The following PPP6R3 variants were observed in gnomAD, a reference collection of about 807,000 sequenced individuals.
The protein encoded by PPP6R3 is protein phosphatase 6 regulatory subunit 3.
A neutral mutation model predicts 110.7 loss-of-function variants in PPP6R3; 38 were observed. The observed-to-expected ratio is 0.34, with a 90% CI of 0.26 to 0.45. The LOEUF is 0.45. Among genes scored for constraint, PPP6R3 ranks in the 20% least tolerant of loss-of-function variants. The pLI is 1.00. For synonymous variants in PPP6R3, 369 were observed against 373.5 expected (o/e 0.99, Z 0.14); for missense variants, 870 against 1,062.4 (o/e 0.82, Z 2.52).
At chr11:68,605,613 C>G (rs562448010) in intron 22 of PPP6R3, among the ~76,000 whole-genome samples, 2 of 151,878 alleles carry the variant, frequency 1.3e-5, no homozygotes, top group Non-Finnish European at 2.9e-5. Context: ...AAAGCCAAAC[C>G]ATAAAGGAAA....
chr11:68,588,149 G>T (rs1425870109), intron 16 of PPP6R3, 125 bp downstream of exon 16: 14 of 831,012 alleles, frequency 1.7e-5, no homozygotes, highest in Non-Finnish European at 2.8e-5. Flanking sequence ...CTCTTTCCAC[G>T]GTGTTCCTCT....
intron 7 of PPP6R3, among the ~76,000 whole-genome samples, chr11:68,555,216 A>G (rs2099394744): frequency 6.6e-6 from 1 of 152,184 alleles, no homozygotes; most frequent in African/African-American, 2.4e-5. Flanking sequence ...TACCTGTCCC[A>G]TTTTAGTAAT....
intron 7 of PPP6R3, among the ~76,000 whole-genome samples, chr11:68,556,611 A>G (rs1395664061): frequency 6.6e-6 from 1 of 151,892 alleles, no homozygotes; most frequent in African/African-American, 2.4e-5. Context: ...GGATGGCTTC[A>G]TGCAGGAAAC....
intron 14 of PPP6R3, among the ~76,000 whole-genome samples, chr11:68,581,634 T>C (rs2099554974): frequency 6.6e-6 from 1 of 152,236 alleles, no homozygotes; most frequent in South Asian, 2.1e-4. Context: ...CTCTTTAACA[T>C]AGTCCTGTGA....
At chr11:68,489,560 G>A (rs2098970716) in intron 1 of PPP6R3, among the ~76,000 whole-genome samples, 1 of 151,854 alleles carries the variant, frequency 6.6e-6, no homozygotes, top group Admixed American at 6.6e-5. Context: ...GTTTGTGTGT[G>A]TGTGTGTGTG....
At chr11:68,573,114 T>TTTTATTTATATATATA (rs1397314086) in intron 12 of PPP6R3, among the ~76,000 whole-genome samples, 1 of 61,798 alleles carries the variant, frequency 1.6e-5, no homozygotes, top group East Asian at 8.8e-4. Flanking sequence ...TTTACTTATT[T>TTTTATTTATATATATA]TATATATATA....
intron 6 of PPP6R3, 43 bp downstream of exon 6, chr11:68,551,229 A>G: frequency 6.8e-7 from 1 of 1,470,130 alleles, no homozygotes; most frequent in South Asian, 1.2e-5. Flanking sequence ...AGAAAAAAAA[A>G]ACAAAAAACT....
At chr11:68,543,514 T>C (rs1230975943) in intron 3 of PPP6R3, among the ~76,000 whole-genome samples, 1 of 152,218 alleles carries the variant, frequency 6.6e-6, no homozygotes, top group African/African-American at 2.4e-5. Flanking sequence ...GCCGTGGCTT[T>C]CTGGTTCGTC....
rs1565935391 is a variant in PPP6R3, at chr11:68,573,146, ATATATATAAT to A, written c.1344-961_1344-952del. Among the ~76,000 whole-genome samples, 44 of 83,672 alleles carry A rather than the reference ATATATATAAT, an allele frequency of 5.3e-4. 2 individuals carry two copies. The highest frequency in any genetic ancestry group is 8.5e-4 in the Non-Finnish European group (32 of 37,708). The allele number at this position is 83,672 out of a possible 152,430, so 54.9% of individuals were successfully genotyped here. ...TATATATATATATATATATATATAT[ATATATATAAT>A]TTTTTTTTTTTTGAGACGGAGTCTT... On this transcript the variant is annotated intron_variant, in intron 12 of 23. Transcript: ENST00000393800.
intron 1 of PPP6R3, among the ~76,000 whole-genome samples, chr11:68,492,368 G>T (rs1190476840): frequency 6.6e-6 from 1 of 152,126 alleles, no homozygotes; most frequent in Non-Finnish European, 1.5e-5. Flanking sequence ...GCCCAGGCTG[G>T]TCTTGCCTGG....
chr11:68,524,938 C>T (rs2099188465), intron 2 of PPP6R3, among the ~76,000 whole-genome samples: 1 of 152,212 alleles, frequency 6.6e-6, no homozygotes. Context: ...GGTTCCTCTT[C>T]CTGAACTTGT....
intron 6 of PPP6R3, among the ~76,000 whole-genome samples, chr11:68,553,919 A>G (rs1593036808): frequency 6.6e-6 from 1 of 152,140 alleles, no homozygotes; most frequent in East Asian, 1.9e-4. Context: ...CCTTGACGAC[A>G]TCTCCCTGCA....
chr11:68,589,080 G>A (rs567438252), intron 16 of PPP6R3, among the ~76,000 whole-genome samples: 1 of 152,106 alleles, frequency 6.6e-6, no homozygotes, highest in East Asian at 1.9e-4. Context: ...TGGGTGGTGT[G>A]TGCCTGTAGT....
chr11:68,612,016 T>C (rs1206466449), intron 23 of PPP6R3, among the ~76,000 whole-genome samples: 1 of 152,194 alleles, frequency 6.6e-6, no homozygotes, highest in African/African-American at 2.4e-5. Flanking sequence ...CTGCACACAT[T>C]ATGTACTTAT....
At chr11:68,545,090 C>T in intron 4 of PPP6R3, 66 bp downstream of exon 4, 3 of 1,279,094 alleles carry the variant, frequency 2.3e-6, no homozygotes, top group Non-Finnish European at 2.2e-6. Flanking sequence ...TCCCCCAGTA[C>T]TTGTTGCTTT....
rs867032400 is a variant in PPP6R3, at chr11:68,610,103, T to C, written c.2570+80T>C. On this transcript the variant is annotated intron_variant, in intron 23 of 23. Coordinates refer to ENST00000393800, the MANE Select transcript of PPP6R3 (RefSeq NM_001164161.2). ...CTTCCTGGGAGTTGGGAGGGGACTA[T>C]AGGGATCGTTTACAGCTGTGCTCAA... is the stretch of plus-strand genomic sequence containing the variant. 4.4e-5 allele frequency: 69 copies of C among 1,557,632 alleles called. No individual in the cohort carries two copies. The Middle Eastern group carries it at 6.9e-4, about 15-fold the overall frequency.
At chr11:68,541,518 T>C in intron 3 of PPP6R3, among the ~76,000 whole-genome samples, 1 of 151,536 alleles carries the variant, frequency 6.6e-6, no homozygotes, top group African/African-American at 2.4e-5. Flanking sequence ...ATGGAGTGGC[T>C]TTATGGCAGT....
chr11:68,591,246 G>C (rs116694018), intron 17 of PPP6R3, among the ~76,000 whole-genome samples: 2 of 152,138 alleles, frequency 1.3e-5, no homozygotes, highest in Non-Finnish European at 1.5e-5. Flanking sequence ...AAATAAGTAC[G>C]GTTGCTTTTC....
rs1435216556 is a variant in PPP6R3 at position 68,529,681 on chromosome 11, A to C, written c.-6-7978A>C. On this transcript the variant is annotated intron_variant, in intron 2 of 23. Coordinates refer to ENST00000393800, the MANE Select transcript of PPP6R3 (RefSeq NM_001164161.2). ...TTCTAGGTATTAGAGGCTACAAAAC[A>C]GTTCTCGTTTTCTTGTGATCTACTT... Among the ~76,000 whole-genome samples the C allele has an allele frequency of 2.6e-5, 4 of 152,368 alleles. No individual in the cohort carries two copies. In the East Asian group the frequency reaches 7.7e-4, roughly 29 times the overall value.
Sources: gnomAD v4.1 joint callset for allele counts (sites outside exome capture counted in the v4.1 genomes callset) on GRCh38, gnomAD v4.1.1 for gene constraint, MANE v1.5 for transcripts, NCBI Gene and HGNC (gene_info 2026-07-23, HGNC 2026-07-21) for gene names.